Variants in RNF19A observed in about 807,000 individuals in gnomAD.
RNF19A encodes E3 ubiquitin-protein ligase RNF19A.
In RNF19A, 32 loss-of-function variants were observed where a neutral mutation model predicts 75.7. That is an observed-to-expected ratio of 0.42 (90% confidence interval 0.32 to 0.57). The LOEUF is 0.57. RNF19A is among the 20% of genes least tolerant of loss of function. The probability of loss-of-function intolerance (pLI) is 0.10; values close to 1 mark genes in which losing one functional copy is unlikely to be tolerated. For synonymous variants in RNF19A, 335 were observed against 345.2 expected (o/e 0.97, Z 0.33); for missense variants, 782 against 1,036.3 (o/e 0.75, Z 3.37).
chr8:100,319,207 CA>C (rs1391581949), intron 1 of RNF19A, among the ~76,000 whole-genome samples: 2 of 151,974 alleles, frequency 1.3e-5, no homozygotes, highest in South Asian at 2.1e-4. Context: ...AAACCTGCTT[CA>C]AAAAAATTTG....
upstream of RNF19A, chr8:100,310,180 G>A (rs555193312): frequency 9.1e-6 from 9 of 985,172 alleles, no homozygotes; most frequent in East Asian, 6.8e-4. Context: ...CCGCCCCAGC[G>A]CGCCGCCCGC....
intron 1 of RNF19A, among the ~76,000 whole-genome samples, chr8:100,294,337 C>T (rs1821447069): frequency 6.6e-6 from 1 of 152,138 alleles, no homozygotes; most frequent in African/African-American, 2.4e-5. Context: ...TTTACCAATC[C>T]CTTCTATCTT....
Position 100,264,631 on chromosome 8 carries a change from TA to T in RNF19A, c.1306+39del. On this transcript the variant is annotated intron_variant, in intron 6 of 9. Coordinates refer to ENST00000341084, the MANE Select transcript of RNF19A (RefSeq NM_183419.4). This position sits in a 1 kb window ranked among gnomAD's most constrained non-coding sequence, Gnocchi z 4.7. ...ATCCTTCCACAAAACTTTAACTCCA[TA>T]AAATTGTAGGTAATTAGTACTTTTC... 1 of 1,324,398 alleles carries T rather than the reference TA, an allele frequency of 7.6e-7. No homozygotes were observed. Among genetic ancestry groups the T allele is most frequent in the Non-Finnish European group, 1.1e-6 (1 of 933,480 alleles). The allele number at this position is 1,324,398 out of a possible 1,614,324, so 82.0% of individuals were successfully genotyped here.
At chr8:100,274,248 G>T (rs1224160065) in intron 3 of RNF19A, among the ~76,000 whole-genome samples, 1 of 152,158 alleles carries the variant, frequency 6.6e-6, no homozygotes, top group Non-Finnish European at 1.5e-5. Flanking sequence ...CCCCAACTTG[G>T]AGGAGAGGAA....
chr8:100,293,445 A>G lies in RNF19A; in HGVS notation c.-93-5178T>C, dbSNP rs141886922. On this transcript the variant is annotated intron_variant, in intron 1 of 9. Coordinates refer to ENST00000341084, the MANE Select transcript of RNF19A (RefSeq NM_183419.4). ...GTTATTACACTGTCTTCTGGCCTCCATCGTTTCTGACAAGTCATCTTTCCT... is the reference window on the plus strand; with the variant it reads ...GTTATTACACTGTCTTCTGGCCTCCGTCGTTTCTGACAAGTCATCTTTCCT... Among the ~76,000 whole-genome samples the G allele has an allele frequency of 3.7e-4, 56 of 152,322 alleles. 1 individual carries two copies. In the East Asian group the frequency reaches 0.01, roughly 28 times the overall value.
chr8:100,270,243 A>G (rs1820190013), intron 3 of RNF19A, among the ~76,000 whole-genome samples: 1 of 152,164 alleles, frequency 6.6e-6, no homozygotes, highest in Non-Finnish European at 1.5e-5. Flanking sequence ...TAGTAAAACA[A>G]TGAGAACAAA....
Position 100,331,220 on chromosome 8 carries a change from A to C in RNF19A, c.-243+4888T>G, listed in dbSNP as rs1822606345. Among the ~76,000 whole-genome samples, 1 of 152,232 alleles carries C rather than the reference A, an allele frequency of 6.6e-6. No individual in the cohort carries two copies. Among genetic ancestry groups the C allele is most frequent in the South Asian group, 2.1e-4 (1 of 4,836 alleles). On this transcript the variant is annotated intron_variant, in intron 1 of 3. Coordinates refer to the RNF19A transcript ENST00000519527. The surrounding 1 kb of genome is among the most constrained non-coding windows in gnomAD (Gnocchi z 5.2). ...CTTGACACAGCTGTATCTGAATCTC[A>C]GTTTGGAGAGAATCCAAGTGGCCGT... is the stretch of plus-strand genomic sequence containing the variant.
At chr8:100,304,603 T>C (rs890160351) in intron 1 of RNF19A, among the ~76,000 whole-genome samples, 6 of 152,218 alleles carry the variant, frequency 3.9e-5, no homozygotes, top group African/African-American at 1.4e-4. Flanking sequence ...ATTTATTCCA[T>C]ACAAAAACTG....
At chr8:100,301,482 T>C (rs1821825450) in intron 1 of RNF19A, among the ~76,000 whole-genome samples, 1 of 152,226 alleles carries the variant, frequency 6.6e-6, no homozygotes, top group Non-Finnish European at 1.5e-5. Context: ...AGTTTCTCAC[T>C]GTTCTACATA....
At position 100,302,481 on chromosome 8, in the gene RNF19A, C is replaced by T. The variant is rs111439164; in HGVS notation, c.-94+7386G>A. On this transcript the variant is annotated intron_variant, in intron 1 of 9. Coordinates refer to ENST00000341084, the MANE Select transcript of RNF19A (RefSeq NM_183419.4). ...AGAAGTTCATTTTTAGACATTTATACTTGAGATATCTCTTATACCTAGGTG... is the reference window on the plus strand; with the variant it reads ...AGAAGTTCATTTTTAGACATTTATATTTGAGATATCTCTTATACCTAGGTG... Among the ~76,000 whole-genome samples the T allele has an allele frequency of 5.3e-5, 8 of 152,292 alleles. 1 individual carries two copies. The highest frequency in any genetic ancestry group is 1.7e-4 in the African/African-American group (7 of 41,560).
At chr8:100,282,528 T>G (rs990281927) in intron 2 of RNF19A, among the ~76,000 whole-genome samples, 1 of 152,238 alleles carries the variant, frequency 6.6e-6, no homozygotes, top group East Asian at 1.9e-4. Flanking sequence ...TGTTTATGTA[T>G]GTGTGTTCTA....
Position 100,333,668 on chromosome 8 carries a change from C to A in RNF19A, c.-243+2440G>T, listed in dbSNP as rs538124244. Among the ~76,000 whole-genome samples, 3 of 152,142 alleles carry A rather than the reference C, an allele frequency of 2.0e-5. No individual in the cohort carries two copies. The highest frequency in any genetic ancestry group is 4.8e-5 in the African/African-American group (2 of 41,520). On this transcript the variant is annotated intron_variant, in intron 1 of 3. Transcript: ENST00000519527. The surrounding 1 kb of genome is among the most constrained non-coding windows in gnomAD (Gnocchi z 4.7). ...CCCATCTCTAAAAATTTTTTTAAAA[C>A]AATAGCTGGGCATGGTGGTGTCTCC... is the stretch of plus-strand genomic sequence containing the variant.
At position 100,331,231 on chromosome 8, in the gene RNF19A, A is replaced by T. The variant is rs1286052047; in HGVS notation, c.-243+4877T>A. On this transcript the variant is annotated intron_variant, in intron 1 of 3. Coordinates refer to the RNF19A transcript ENST00000519527. The surrounding 1 kb of genome is among the most constrained non-coding windows in gnomAD (Gnocchi z 5.2). ...TGTATCTGAATCTCAGTTTGGAGAG[A>T]ATCCAAGTGGCCGTCCTTTTGAACC... Among the ~76,000 whole-genome samples the T allele has an allele frequency of 6.6e-6, 1 of 152,244 alleles. No homozygotes were observed. Among genetic ancestry groups the T allele is most frequent in the Non-Finnish European group, 1.5e-5 (1 of 68,040 alleles).
intron 1 of RNF19A, among the ~76,000 whole-genome samples, chr8:100,319,857 T>A (rs1822440414): frequency 7.3e-6 from 1 of 137,876 alleles, no homozygotes. Flanking sequence ...TTTTTCGAGA[T>A]GGAATTTTGC....
In RNF19A at chr8:100,261,753, T is replaced by G; in HGVS notation, c.1471A>C (p.Thr491Pro). 6.2e-7 allele frequency: 1 copy of G among 1,614,020 alleles called. No individual in the cohort carries two copies. Among genetic ancestry groups the G allele is most frequent in the Non-Finnish European group, 8.5e-7 (1 of 1,179,846 alleles). ...TGTCTTGCTTCTGCTACTGATGTTG[T>G]GTCTAAATGCAAATATTCCAAAGAA... ...NVGGTNTAVD[T>P]TSVAEARHNP... The change falls in exon 8 of 10, where the codon ACA (threonine) becomes CCA (proline). Residue 491 changes from threonine to proline, a missense_variant and splice_region_variant. Coordinates refer to ENST00000341084, the MANE Select transcript of RNF19A (RefSeq NM_183419.4). The surrounding 1 kb of genome is among the most constrained non-coding windows in gnomAD (Gnocchi z 4.4).
Position 100,259,471 on chromosome 8 carries a change from T to C in RNF19A, c.1827-225A>G, listed in dbSNP as rs1167981720. Among the ~76,000 whole-genome samples, 1 of 152,234 alleles carries C rather than the reference T, an allele frequency of 6.6e-6. No homozygotes were observed. Among genetic ancestry groups the C allele is most frequent in the Non-Finnish European group, 1.5e-5 (1 of 68,030 alleles). On this transcript the variant is annotated intron_variant, in intron 9 of 9. Coordinates refer to ENST00000341084, the MANE Select transcript of RNF19A (RefSeq NM_183419.4). The surrounding 1 kb of genome is among the most constrained non-coding windows in gnomAD (Gnocchi z 4.5). ...GACACATTTATTGCTTATGCTGTTC[T>C]AGACACTATGCTACCTTTTTTTAAA... is the stretch of plus-strand genomic sequence containing the variant.
At chr8:100,310,065 G>T (rs982781535), upstream of RNF19A, 10 of 985,028 alleles carry the variant, frequency 1.0e-5, no homozygotes, top group Non-Finnish European at 9.6e-6. Context: ...GTTGTGGCTC[G>T]ACGGCTGCTC....
chr8:100,266,197 C>T (rs1819964280), intron 5 of RNF19A, among the ~76,000 whole-genome samples: 2 of 152,178 alleles, frequency 1.3e-5, no homozygotes, highest in South Asian at 4.1e-4. Flanking sequence ...CTTTTGGGTA[C>T]TTTATTGACT....
At chr8:100,297,470 T>C (rs963766880) in intron 1 of RNF19A, among the ~76,000 whole-genome samples, 1 of 152,238 alleles carries the variant, frequency 6.6e-6, no homozygotes, top group Non-Finnish European at 1.5e-5. Flanking sequence ...AGGACTACAT[T>C]TTCCCATTCC....
Sources: gnomAD v4.1 joint callset for allele counts (sites outside exome capture counted in the v4.1 genomes callset) on GRCh38, gnomAD v4.1.1 for gene constraint, Gnocchi (gnomAD v3.1) non-coding constraint, MANE v1.5 for transcripts, NCBI Gene and HGNC (gene_info 2026-07-23, HGNC 2026-07-21) for gene names.